Variants in FAM53B observed in about 807,000 individuals in gnomAD.
FAM53B encodes the protein family with sequence similarity 53 member B, also known as protein FAM53B.
In FAM53B, 12 loss-of-function variants were observed where a neutral mutation model predicts 32.7. The observed-to-expected ratio is 0.37, with a 90% CI of 0.24 to 0.59. The LOEUF (loss-of-function observed/expected upper bound fraction) is 0.59. FAM53B is among the 20% of genes least tolerant of loss of function. FAM53B has a pLI of 0.72. For missense variants in FAM53B, 477 were observed against 577.7 expected, an observed-to-expected ratio of 0.83 and a Z score of 1.79; for synonymous variants, 234 against 228.7, an observed-to-expected ratio of 1.02 and a Z score of -0.21.
At position 124,723,535 on chromosome 10, in the gene FAM53B, T is replaced by A. The variant is rs118153606; in HGVS notation, c.-174-16648A>T. On this transcript the variant is annotated intron_variant, in intron 1 of 4. Coordinates refer to ENST00000337318, the MANE Select transcript of FAM53B (RefSeq NM_014661.4). ...CTCCTCAGGAACCTGAAAACACTCA[T>A]CAGAGTTTCTGTGGGCGGGAGGGTG... is the stretch of plus-strand genomic sequence containing the variant. Among the ~76,000 whole-genome samples, 47 of 152,326 alleles carry A rather than the reference T, an allele frequency of 3.1e-4. No homozygotes were observed. In the East Asian group the frequency reaches 9.1e-3, roughly 29 times the overall value.
chr10:124,668,839 G>A (rs951152019), intron 4 of FAM53B, among the ~76,000 whole-genome samples: 6 of 152,274 alleles, frequency 3.9e-5, no homozygotes, highest in South Asian at 2.1e-4. Flanking sequence ...TGTGTGCCAA[G>A]TTTCAAGTAT....
At chr10:124,639,228 G>A (rs2134043336) in intron 4 of FAM53B, among the ~76,000 whole-genome samples, 1 of 152,244 alleles carries the variant, frequency 6.6e-6, no homozygotes, top group Non-Finnish European at 1.5e-5. Context: ...TTTCTACCAG[G>A]ACCGGGCCAG....
intron 4 of FAM53B, among the ~76,000 whole-genome samples, chr10:124,662,645 G>GT (rs1211322406): frequency 2.0e-5 from 3 of 152,110 alleles, no homozygotes; most frequent in Non-Finnish European, 4.4e-5. Flanking sequence ...GCAAGACCCT[G>GT]TCTCTACAAA....
rs1342895178 is a variant in FAM53B at position 124,621,447 on chromosome 10, A to T, written c.*1795T>A. Reference sequence around the variant, plus strand: ...TAGACATGCCTCCGGCAGGAGCTACAGCAACCAGAGGTGAGCTGGTTCCCC... The same window carrying T: ...TAGACATGCCTCCGGCAGGAGCTACTGCAACCAGAGGTGAGCTGGTTCCCC... On this transcript the variant is annotated 3_prime_UTR_variant, in exon 5 of 5. Coordinates refer to ENST00000337318, the MANE Select transcript of FAM53B (RefSeq NM_014661.4). 6.6e-6 allele frequency: 1 copy of T among 152,276 alleles called. No homozygotes were observed. The highest frequency in any genetic ancestry group is 1.5e-5 in the Non-Finnish European group (1 of 68,066). The allele number at this position is 152,276 out of a possible 1,614,324, so 9.4% of individuals were successfully genotyped here.
intron 4 of FAM53B, among the ~76,000 whole-genome samples, chr10:124,675,659 T>C (rs1183854902): frequency 6.6e-6 from 1 of 152,194 alleles, no homozygotes; most frequent in East Asian, 1.9e-4. Context: ...GTTATCTGAC[T>C]CCGAAGCTCC....
At chr10:124,625,813 C>T (rs1049788226) in intron 4 of FAM53B, among the ~76,000 whole-genome samples, 7 of 152,204 alleles carry the variant, frequency 4.6e-5, no homozygotes, top group East Asian at 1.9e-4. Flanking sequence ...CCGTGTGTCC[C>T]GGGCTCTGCT....
intron 3 of FAM53B, among the ~76,000 whole-genome samples, chr10:124,695,851 G>C (rs375049633): frequency 8.7e-4 from 133 of 152,208 alleles, no homozygotes; most frequent in African/African-American, 3.1e-3. Context: ...CTGGGCATTG[G>C]GGCTACGAGA....
intron 4 of FAM53B, among the ~76,000 whole-genome samples, chr10:124,641,351 A>G (rs1456548051): frequency 6.6e-6 from 1 of 152,208 alleles, no homozygotes; most frequent in Non-Finnish European, 1.5e-5. Flanking sequence ...AATAGTGAGA[A>G]CACTACCCCA....
rs1360324950 is a variant in FAM53B at position 124,620,080 on chromosome 10, T to C, written c.*3162A>G. 1 of 152,566 alleles carries C rather than the reference T, an allele frequency of 6.6e-6. No homozygotes were observed. The highest frequency in any genetic ancestry group is 2.4e-5 in the African/African-American group (1 of 41,474). The allele number at this position is 152,566 out of a possible 1,614,324, so 9.5% of individuals were successfully genotyped here. On this transcript the variant is annotated 3_prime_UTR_variant, in exon 5 of 5. Coordinates refer to ENST00000337318, the MANE Select transcript of FAM53B (RefSeq NM_014661.4). ...GTGGACTTCCCCTTTATTTAAATTT[T>C]CTTTCAGTGTACAAATTCACAAAAC...
chr10:124,630,123 A>G (rs1242580269), intron 4 of FAM53B, among the ~76,000 whole-genome samples: 3 of 152,216 alleles, frequency 2.0e-5, no homozygotes, highest in Non-Finnish European at 4.4e-5. Flanking sequence ...TTAAAAAGGG[A>G]TAGCATCAGC....
chr10:124,654,889 A>C (rs1397692187), intron 4 of FAM53B, among the ~76,000 whole-genome samples: 3 of 152,198 alleles, frequency 2.0e-5, no homozygotes, highest in Admixed American at 2.0e-4. Flanking sequence ...CCATGGGGGA[A>C]GTCACACCAG....
chr10:124,723,605 A>G (rs538961650), intron 1 of FAM53B, among the ~76,000 whole-genome samples: 1 of 152,352 alleles, frequency 6.6e-6, no homozygotes, highest in East Asian at 1.9e-4. Context: ...CTGAGAGCCC[A>G]GGGCCCTGCC....
At chr10:124,695,951 A>G (rs1467520049) in intron 3 of FAM53B, among the ~76,000 whole-genome samples, 1 of 152,202 alleles carries the variant, frequency 6.6e-6, no homozygotes, top group East Asian at 1.9e-4. Flanking sequence ...GAAATTCTCA[A>G]TGTTGGAGTT....
intron 1 of FAM53B, among the ~76,000 whole-genome samples, chr10:124,734,734 G>A (rs1950163880): frequency 6.6e-6 from 1 of 152,174 alleles, no homozygotes; most frequent in Admixed American, 6.5e-5. Flanking sequence ...GTCCCTCAAA[G>A]CTACCCAAAG....
At chr10:124,653,719 C>T (rs6597846) in intron 4 of FAM53B, among the ~76,000 whole-genome samples, 3 of 152,160 alleles carry the variant, frequency 2.0e-5, no homozygotes, top group African/African-American at 7.2e-5. Context: ...ACATGGCCCA[C>T]GCAGAGCCTA....
At chr10:124,738,736 A>G (rs1474997814) in intron 1 of FAM53B, among the ~76,000 whole-genome samples, 1 of 152,230 alleles carries the variant, frequency 6.6e-6, no homozygotes, top group Non-Finnish European at 1.5e-5. Flanking sequence ...ATGATATTGT[A>G]CAGACCTGGA....
At chr10:124,714,426 T>G (rs1589761397) in intron 1 of FAM53B, among the ~76,000 whole-genome samples, 1 of 151,680 alleles carries the variant, frequency 6.6e-6, no homozygotes, top group Admixed American at 6.6e-5. Context: ...CAACTAACAA[T>G]CCTGCCAGCA....
chr10:124,682,314 T>G lies in FAM53B; in HGVS notation c.199A>C (p.Ile67Leu), dbSNP rs772893368. 1.9e-6 allele frequency: 3 copies of G among 1,613,990 alleles called. No homozygotes were observed. Among genetic ancestry groups the G allele is most frequent in the Non-Finnish European group, 2.5e-6 (3 of 1,180,002 alleles). Residue 67 changes from isoleucine to leucine, a missense_variant, in exon 4 of 5, where the codon ATC becomes CTC. This residue lies in a region of FAM53B where 312 missense variants were observed against 420.2 expected (regional missense o/e 0.74). Transcript: ENST00000337318. The surrounding 1 kb of genome is among the most constrained non-coding windows in gnomAD (Gnocchi z 5.2). ...TCCTTTTCAGGCAGGCATTCCCAGA[T>G]GCTGGTGCTCGGTTGGTCAATCTGA... ...PLQIDQPSTS[I>L]WECLPEKDSS... is the part of the protein sequence containing the mutation.
chr10:124,653,447 G>A (rs903470732), intron 4 of FAM53B, among the ~76,000 whole-genome samples: 1 of 152,214 alleles, frequency 6.6e-6, no homozygotes. Context: ...GGCACTGCCA[G>A]GGTCCCGGAT....
Sources: gnomAD v4.1 joint callset for allele counts (sites outside exome capture counted in the v4.1 genomes callset) on GRCh38, gnomAD v4.1.1 for gene constraint, gnomAD v4.1.1 regional missense constraint, Gnocchi (gnomAD v3.1) non-coding constraint, MANE v1.5 for transcripts, NCBI Gene and HGNC (gene_info 2026-07-23, HGNC 2026-07-21) for gene names.